Variants in LRP1B observed in about 807,000 individuals in gnomAD.
LRP1B encodes LDL receptor related protein 1B, also known as low-density lipoprotein receptor-related protein 1B.
Under a neutral mutation model 556.6 loss-of-function variants are expected in LRP1B, and 217 were observed. The observed-to-expected ratio is 0.39, with a 90% CI of 0.35 to 0.44. The LOEUF (loss-of-function observed/expected upper bound fraction) is 0.44. Ranked by LOEUF, LRP1B falls within the 20% of genes least tolerant of loss-of-function variation. The pLI, the probability that LRP1B is intolerant of heterozygous loss-of-function variation, is 1.00. For synonymous variants in LRP1B, 2,047 were observed against 1,865.8 expected (o/e 1.10, Z -2.50); for missense variants, 5,053 against 5,620.8 (o/e 0.90, Z 3.23).
chr2:141,916,576 G>A (rs2104963747), intron 1 of LRP1B, among the ~76,000 whole-genome samples: 1 of 142,764 alleles, frequency 7.0e-6, no homozygotes, highest in East Asian at 2.1e-4. Flanking sequence ...TGGAGATGGG[G>A]TTTCACTGTG....
chr2:142,079,458 T>C (rs941838640), intron 1 of LRP1B, among the ~76,000 whole-genome samples: 2 of 152,066 alleles, frequency 1.3e-5, no homozygotes, highest in African/African-American at 4.8e-5. Flanking sequence ...GTATTCAAAA[T>C]GTGATTTTTC....
chr2:142,029,663 A>AT (rs1197760285), intron 1 of LRP1B, among the ~76,000 whole-genome samples: 4 of 151,824 alleles, frequency 2.6e-5, no homozygotes, highest in Admixed American at 2.6e-4. Flanking sequence ...AATGTCTCTC[A>AT]TTTTTAAAAC....
At chr2:142,099,678 T>G (rs1706504316) in intron 1 of LRP1B, among the ~76,000 whole-genome samples, 1 of 151,948 alleles carries the variant, frequency 6.6e-6, no homozygotes, top group African/African-American at 2.4e-5. Flanking sequence ...ATTCTTCTCT[T>G]GGCCTTCATT....
chr2:140,548,097 G>C (rs1217962539), intron 43 of LRP1B, among the ~76,000 whole-genome samples: 1 of 152,000 alleles, frequency 6.6e-6, no homozygotes, highest in Non-Finnish European at 1.5e-5. Flanking sequence ...AAAGTATTTA[G>C]TAAGTACTTA....
chr2:140,756,586 G>A (rs150823613), intron 35 of LRP1B, among the ~76,000 whole-genome samples: 3,439 of 152,090 alleles, frequency 0.023, 69 homozygotes, highest in Middle Eastern at 0.066. Flanking sequence ...GGAAAGACTC[G>A]TCTTTTATAC....
chr2:141,649,277 G>C (rs540027894), intron 2 of LRP1B, among the ~76,000 whole-genome samples: 1 of 152,180 alleles, frequency 6.6e-6, no homozygotes, highest in Non-Finnish European at 1.5e-5. Context: ...GATTTCTGAA[G>C]ATGAAGCAGC....
chr2:140,286,805 CATA>C (rs1433956264), intron 84 of LRP1B, among the ~76,000 whole-genome samples: 1 of 151,706 alleles, frequency 6.6e-6, no homozygotes, highest in Non-Finnish European at 1.5e-5. Context: ...ATATTATCAT[CATA>C]AGCACTCAAA....
intron 20 of LRP1B, among the ~76,000 whole-genome samples, chr2:140,944,377 C>CA (rs1695484162): frequency 6.6e-6 from 1 of 151,970 alleles, no homozygotes; most frequent in South Asian, 2.1e-4. Flanking sequence ...GAAGCTATTC[C>CA]AAAAAACTGC....
chr2:141,240,488 G>A lies in LRP1B; in HGVS notation c.592+6738C>T, dbSNP rs1462096282. ...AGCAACAGAAAAATTATATACCTATGTACATTCTTGCCTCATCTATTTAAC... is the reference window on the plus strand; with the variant it reads ...AGCAACAGAAAAATTATATACCTATATACATTCTTGCCTCATCTATTTAAC... On this transcript the variant is annotated intron_variant, in intron 5 of 90. Transcript: ENST00000389484. Among the ~76,000 whole-genome samples the A allele has an allele frequency of 3.3e-5, 5 of 151,906 alleles. No individual in the cohort carries two copies. The East Asian group carries it at 9.7e-4, about 30-fold the overall frequency.
intron 66 of LRP1B, among the ~76,000 whole-genome samples, chr2:140,412,328 C>G (rs916637310): frequency 2.0e-5 from 3 of 152,070 alleles, no homozygotes; most frequent in Non-Finnish European, 4.4e-5. Context: ...TGGCTTTGTA[C>G]AGAACCATTT....
At chr2:140,849,559 G>C (rs1692393107) in intron 29 of LRP1B, among the ~76,000 whole-genome samples, 1 of 151,450 alleles carries the variant, frequency 6.6e-6, no homozygotes, top group South Asian at 2.1e-4. Context: ...TTTTTGGAGA[G>C]ATGGAGTTTT....
chr2:142,016,678 G>C (rs867341865), intron 1 of LRP1B, among the ~76,000 whole-genome samples: 7 of 151,916 alleles, frequency 4.6e-5, no homozygotes, highest in Non-Finnish European at 1.0e-4. Context: ...GGGCCTGTTG[G>C]GGGGTAGGGG....
chr2:142,063,424 A>C (rs187908548), intron 1 of LRP1B, among the ~76,000 whole-genome samples: 1 of 151,774 alleles, frequency 6.6e-6, no homozygotes, highest in East Asian at 1.9e-4. Flanking sequence ...GCTAATGAGT[A>C]GCACTGAAAC....
intron 32 of LRP1B, among the ~76,000 whole-genome samples, chr2:140,794,916 C>A (rs1037619797): frequency 4.6e-5 from 7 of 152,196 alleles, no homozygotes; most frequent in South Asian, 2.1e-4. Flanking sequence ...CCCAGCCGGC[C>A]ACTTTCTATA....
intron 1 of LRP1B, among the ~76,000 whole-genome samples, chr2:141,830,623 G>A (rs1396598498): frequency 6.6e-6 from 1 of 151,704 alleles, no homozygotes; most frequent in Non-Finnish European, 1.5e-5. Context: ...AGCTCTTTCA[G>A]TGGGACAGTC....
intron 1 of LRP1B, among the ~76,000 whole-genome samples, chr2:141,969,730 G>A (rs549616483): frequency 2.0e-5 from 3 of 151,646 alleles, no homozygotes; most frequent in Non-Finnish European, 1.5e-5. Flanking sequence ...ACATCTCTTC[G>A]ACATACTGAT....
At chr2:141,632,685 A>C (rs1574167025) in intron 2 of LRP1B, among the ~76,000 whole-genome samples, 1 of 152,204 alleles carries the variant, frequency 6.6e-6, no homozygotes, top group East Asian at 1.9e-4. Context: ...CATAATACCA[A>C]ATGGGGTTGG....
chr2:141,998,034 G>A (rs1702548620), intron 1 of LRP1B, among the ~76,000 whole-genome samples: 1 of 151,986 alleles, frequency 6.6e-6, no homozygotes, highest in African/African-American at 2.4e-5. Flanking sequence ...GTAAAAAAAG[G>A]GTGCAGTTTA....
chr2:141,639,320 A>G (rs1292224499), intron 2 of LRP1B, among the ~76,000 whole-genome samples: 246 of 19,668 alleles, frequency 0.013, 10 homozygotes, highest in Middle Eastern at 0.06. Flanking sequence ...ATATATATAT[A>G]TATATATATA....
Sources: gnomAD v4.1 joint callset for allele counts (sites outside exome capture counted in the v4.1 genomes callset) on GRCh38, gnomAD v4.1.1 for gene constraint, MANE v1.5 for transcripts, NCBI Gene and HGNC (gene_info 2026-07-23, HGNC 2026-07-21) for gene names.